PROM1: variants seen among roughly 807,000 people sequenced by gnomAD.
PROM1 encodes the protein prominin 1, also known as prominin-1.
Under a neutral mutation model 116.9 loss-of-function variants are expected in PROM1, and 105 were observed. The observed-to-expected ratio is 0.90, with a 90% CI of 0.77 to 1.06. The LOEUF (loss-of-function observed/expected upper bound fraction) is 1.06. Among genes scored for constraint, PROM1 ranks in the 50% least tolerant of loss-of-function variants. The probability of loss-of-function intolerance (pLI) is 0.00; values close to 1 mark genes in which losing one functional copy is unlikely to be tolerated. For missense variants in PROM1, 1,122 were observed against 1,045.2 expected (o/e 1.07, Z -1.01); for synonymous variants, 393 against 387.0 (o/e 1.02, Z -0.18).
chr4:16,027,408 C>G (rs959752925), intron 5 of PROM1, among the ~76,000 whole-genome samples: 1 of 152,134 alleles, frequency 6.6e-6, no homozygotes, highest in African/African-American at 2.4e-5. Context: ...GGCTCACCAC[C>G]TGAACATACC....
intron 2 of PROM1, among the ~76,000 whole-genome samples, chr4:16,066,993 G>A (rs2149537897): frequency 6.6e-6 from 1 of 152,324 alleles, no homozygotes; most frequent in South Asian, 2.1e-4. Flanking sequence ...TCTACAGGAT[G>A]AGTTTTTCAG....
At chr4:16,077,625 C>T (rs1744235735) in intron 1 of PROM1, among the ~76,000 whole-genome samples, 1 of 152,160 alleles carries the variant, frequency 6.6e-6, no homozygotes, top group African/African-American at 2.4e-5. Context: ...GGGCAACCCA[C>T]CCCTTCAATT....
intron 13 of PROM1, among the ~76,000 whole-genome samples, chr4:16,002,252 TAAAAG>T (rs1292661954): frequency 6.6e-6 from 1 of 151,688 alleles, no homozygotes; most frequent in East Asian, 1.9e-4. Flanking sequence ...ACAAAAGAAA[TAAAAG>T]AAAAGATTTG....
intron 1 of PROM1, among the ~76,000 whole-genome samples, chr4:16,081,676 C>A (rs1322960609): frequency 6.6e-6 from 1 of 152,182 alleles, no homozygotes; most frequent in African/African-American, 2.4e-5. Context: ...TGACCCTTAA[C>A]AAATCTCAGA....
chr4:15,989,643 G>A (rs1263276461), intron 19 of PROM1, 89 bp downstream of exon 19: 2 of 1,079,302 alleles, frequency 1.9e-6, no homozygotes, highest in East Asian at 5.2e-5. Flanking sequence ...TGAGAGATGA[G>A]CATGTGTCGT....
chr4:16,028,177 A>T (rs943184832), intron 5 of PROM1, among the ~76,000 whole-genome samples: 2 of 152,190 alleles, frequency 1.3e-5, no homozygotes, highest in Non-Finnish European at 2.9e-5. Flanking sequence ...AAAAATCTCT[A>T]CTAAGTATAA....
At chr4:16,022,008 G>C (rs1730030768) in intron 8 of PROM1, among the ~76,000 whole-genome samples, 1 of 152,096 alleles carries the variant, frequency 6.6e-6, no homozygotes, top group East Asian at 1.9e-4. Context: ...CATCAGAGAT[G>C]AGTGTCCCAG....
chr4:16,039,139 T>A, intron 2 of PROM1, 138 bp from the exon 3 acceptor site: 1 of 694,474 alleles, frequency 1.4e-6, no homozygotes, highest in Non-Finnish European at 2.0e-6. Context: ...TCTTATTTCT[T>A]AATGTAGGTA....
chr4:15,981,490 T>G (rs992799249), intron 23 of PROM1, among the ~76,000 whole-genome samples: 7 of 151,492 alleles, frequency 4.6e-5, no homozygotes, highest in Middle Eastern at 6.8e-3. Flanking sequence ...GAGAATCACG[T>G]GAACCCAGGA....
At position 15,971,098 on chromosome 4, in the gene PROM1, A is replaced by T. The variant is rs777970337; in HGVS notation, c.2583-16T>A. 6.4e-7 allele frequency: 1 copy of T among 1,551,676 alleles called. No homozygotes were observed. The highest frequency in any genetic ancestry group is 8.7e-7 in the Non-Finnish European group (1 of 1,150,062). ...TTGTGATGGGCTAAAAAACAAAAAA[A>T]TAAAGAAATATAATACCCCCAACAA... On this transcript the variant is annotated splice_polypyrimidine_tract_variant and intron_variant, in intron 26 of 27. Coordinates refer to ENST00000447510, the MANE Select transcript of PROM1 (RefSeq NM_006017.3).
At chr4:16,039,862 T>G (rs1734796567) in intron 2 of PROM1, among the ~76,000 whole-genome samples, 1 of 152,068 alleles carries the variant, frequency 6.6e-6, no homozygotes, top group Non-Finnish European at 1.5e-5. Flanking sequence ...AATTCTCACA[T>G]AGGCCTGGGA....
At position 16,000,635 on chromosome 4, in the gene PROM1, A is replaced by G; in HGVS notation, c.1455-16T>C. On this transcript the variant is annotated splice_polypyrimidine_tract_variant and intron_variant, in intron 13 of 27. Coordinates refer to ENST00000447510, the MANE Select transcript of PROM1 (RefSeq NM_006017.3). ...TCCAACTCCACTGGAAAAAAATATA[A>G]AGTTAGTAATTCAACAAAGAATGAT... 2 of 1,532,270 alleles carry G rather than the reference A, an allele frequency of 1.3e-6. No homozygotes were observed. Among genetic ancestry groups the G allele is most frequent in the Non-Finnish European group, 1.8e-6 (2 of 1,117,980 alleles). The allele number at this position is 1,532,270 out of a possible 1,614,324, so 94.9% of individuals were successfully genotyped here. A position where few individuals can be genotyped will look rare whatever the true frequency, so the allele number is the denominator to read the frequency against.
intron 26 of PROM1, chr4:15,976,115 A>G (rs1205528168): frequency 2.2e-6 from 1 of 449,766 alleles, no homozygotes; most frequent in Non-Finnish European, 4.5e-6. Context: ...TGTCGTAAGC[A>G]GAATGACCAC....
At chr4:16,039,102 A>G (rs1734597884) in intron 2 of PROM1, 101 bp from the exon 3 acceptor site, 4 of 930,636 alleles carry the variant, frequency 4.3e-6, no homozygotes, top group Non-Finnish European at 5.8e-6. Flanking sequence ...TATTATACCT[A>G]TATTTCTATT....
intron 14 of PROM1, among the ~76,000 whole-genome samples, chr4:15,999,785 G>A (rs548918403): frequency 3.4e-4 from 51 of 151,748 alleles, no homozygotes; most frequent in Non-Finnish European, 6.0e-4. Flanking sequence ...GATCTTAGGC[G>A]GAAAAATGTA....
chr4:16,015,416 G>A (rs965692313), intron 10 of PROM1, among the ~76,000 whole-genome samples: 1 of 151,282 alleles, frequency 6.6e-6, no homozygotes, highest in African/African-American at 2.4e-5. Context: ...GCGGCTGGGT[G>A]TGGTGGCTCA....
Position 16,006,671 on chromosome 4 carries a change from T to C in PROM1, c.1321A>G (p.Ile441Val). Residue 441 changes from isoleucine to valine, a missense_variant, in exon 13 of 28, where the codon ATC becomes GTC. Transcript: ENST00000447510. ...ACGATGAGGGTCAGCAGAGAGCAGA[T>C]GACCAGGCCACCCAGCCACCTGGAG... ...DSYWWLGGLVICSLLTLIVIF... is the reference protein window; with the variant it reads ...DSYWWLGGLVVCSLLTLIVIF... 1 of 1,613,226 alleles carries C rather than the reference T, an allele frequency of 6.2e-7. No homozygotes were observed. The highest frequency in any genetic ancestry group is 8.5e-7 in the Non-Finnish European group (1 of 1,179,670).
At chr4:16,029,495 G>C (rs1165522375) in intron 5 of PROM1, among the ~76,000 whole-genome samples, 5 of 152,020 alleles carry the variant, frequency 3.3e-5, no homozygotes, top group Non-Finnish European at 7.4e-5. Context: ...GTGGAAATTC[G>C]ATCTTGTGCT....
chr4:16,070,708 A>G (rs1485321047), intron 2 of PROM1, among the ~76,000 whole-genome samples: 1 of 152,210 alleles, frequency 6.6e-6, no homozygotes, highest in Non-Finnish European at 1.5e-5. Flanking sequence ...AGAAGCAAAG[A>G]CCAATCAGTA....
Sources: gnomAD v4.1 joint callset for allele counts (sites outside exome capture counted in the v4.1 genomes callset) on GRCh38, gnomAD v4.1.1 for gene constraint, MANE v1.5 for transcripts, NCBI Gene and HGNC (gene_info 2026-07-23, HGNC 2026-07-21) for gene names.